CHST9: variants seen among roughly 807,000 people sequenced by gnomAD.
CHST9 encodes the protein carbohydrate sulfotransferase 9, also known as GalNAc-4-sulfotransferase 2.
In CHST9, 41 loss-of-function variants were observed where a neutral mutation model predicts 44.4. That is an observed-to-expected ratio of 0.92 (90% CI 0.72 to 1.20). The LOEUF (loss-of-function observed/expected upper bound fraction) is 1.20. Among genes scored for constraint, CHST9 ranks in the 50% most tolerant of loss-of-function variants. The pLI, the probability that CHST9 is intolerant of heterozygous loss-of-function variation, is 0.00. For synonymous variants in CHST9, 171 were observed against 178.4 expected (o/e 0.96, Z 0.33); for missense variants, 504 against 516.5 (o/e 0.98, Z 0.23).
chr18:27,065,657 A>G (rs2143630494), intron 2 of CHST9, among the ~76,000 whole-genome samples: 2 of 152,022 alleles, frequency 1.3e-5, no homozygotes, highest in South Asian at 4.2e-4. Context: ...CGATATAAAA[A>G]GAGAGGCCTC....
intron 2 of CHST9, among the ~76,000 whole-genome samples, chr18:27,117,075 T>A (rs936614197): frequency 6.6e-5 from 10 of 151,894 alleles, no homozygotes; most frequent in Admixed American, 1.3e-4. Context: ...ATACGTTTCA[T>A]ATGAAATTTT....
At chr18:27,134,801 A>G (rs916493502) in intron 2 of CHST9, among the ~76,000 whole-genome samples, 1 of 152,186 alleles carries the variant, frequency 6.6e-6, no homozygotes, top group African/African-American at 2.4e-5. Flanking sequence ...AAATTCAGAC[A>G]TTGTACTTAT....
At chr18:27,072,014 A>G (rs996517190) in intron 2 of CHST9, among the ~76,000 whole-genome samples, 22 of 152,244 alleles carry the variant, frequency 1.4e-4, no homozygotes, top group East Asian at 1.2e-3. Flanking sequence ...ACCATTATGT[A>G]TAAGTGTGGC....
intron 2 of CHST9, among the ~76,000 whole-genome samples, chr18:27,089,897 G>A (rs1415837015): frequency 6.9e-5 from 10 of 145,434 alleles, no homozygotes; most frequent in South Asian, 2.2e-4. Context: ...TGCAAGCTCC[G>A]CCTCCCAGGT....
intron 3 of CHST9, among the ~76,000 whole-genome samples, chr18:27,026,703 T>C (rs2057288802): frequency 6.6e-6 from 1 of 152,204 alleles, no homozygotes; most frequent in African/African-American, 2.4e-5. Flanking sequence ...TATTCTTCCA[T>C]GGTTAACTGT....
chr18:26,929,091 C>G (rs1052634095), intron 5 of CHST9, among the ~76,000 whole-genome samples: 1 of 152,092 alleles, frequency 6.6e-6, no homozygotes, highest in African/African-American at 2.4e-5. Context: ...TCTTCCTATA[C>G]TCACTCTTCC....
At chr18:27,102,361 G>A (rs138165819) in intron 2 of CHST9, among the ~76,000 whole-genome samples, 1 of 152,090 alleles carries the variant, frequency 6.6e-6, no homozygotes, top group African/African-American at 2.4e-5. Context: ...ATTTATGAAG[G>A]TGTTGTGATG....
chr18:27,034,310 C>A (rs2057370024), intron 3 of CHST9, among the ~76,000 whole-genome samples: 1 of 152,086 alleles, frequency 6.6e-6, no homozygotes, highest in African/African-American at 2.4e-5. Flanking sequence ...CTTCTAAAAT[C>A]CTTCCTAAAT....
chr18:26,996,748 T>C (rs1359862529), intron 4 of CHST9, among the ~76,000 whole-genome samples: 3 of 152,174 alleles, frequency 2.0e-5, no homozygotes, highest in Non-Finnish European at 2.9e-5. Flanking sequence ...ACAGTGTGCA[T>C]GTATGTGAAA....
At chr18:27,168,115 C>G (rs1388687743) in intron 1 of CHST9, among the ~76,000 whole-genome samples, 5 of 148,846 alleles carry the variant, frequency 3.4e-5, no homozygotes, top group Non-Finnish European at 7.4e-5. Context: ...TGCTCTGTCG[C>G]GCAGGCTGGA....
At chr18:26,948,198 G>A (rs1328190431) in intron 4 of CHST9, among the ~76,000 whole-genome samples, 2 of 152,136 alleles carry the variant, frequency 1.3e-5, no homozygotes, top group Non-Finnish European at 2.9e-5. Flanking sequence ...GCTGAACAAT[G>A]AGAACACATG....
At chr18:27,068,020 C>G (rs1354583709) in intron 2 of CHST9, among the ~76,000 whole-genome samples, 1 of 152,148 alleles carries the variant, frequency 6.6e-6, no homozygotes. Flanking sequence ...TCACTGTCTG[C>G]TCCTCTGTCT....
intron 2 of CHST9, among the ~76,000 whole-genome samples, chr18:27,098,195 C>G (rs1237504783): frequency 1.3e-5 from 2 of 151,024 alleles, no homozygotes; most frequent in Non-Finnish European, 3.0e-5. Context: ...GGCGAAAAAA[C>G]ATTAAAAAAA....
At chr18:27,053,262 G>GAAGAAGAGGAAGA (rs772678534) in intron 2 of CHST9, among the ~76,000 whole-genome samples, 1 of 45,764 alleles carries the variant, frequency 2.2e-5, no homozygotes, top group African/African-American at 7.3e-5. Flanking sequence ...GAAGAAGAAG[G>GAAGAAGAGGAAGA]AGAAGGAGAA....
intron 5 of CHST9, among the ~76,000 whole-genome samples, chr18:26,939,353 AAGG>A (rs1299977525): frequency 6.6e-6 from 1 of 152,224 alleles, no homozygotes; most frequent in Non-Finnish European, 1.5e-5. Context: ...GTTTTATATA[AAGG>A]AGTAGAATGG....
intron 4 of CHST9, among the ~76,000 whole-genome samples, chr18:26,952,941 T>G (rs2056271382): frequency 6.6e-6 from 1 of 152,114 alleles, no homozygotes; most frequent in African/African-American, 2.4e-5. Flanking sequence ...ATATGATTGG[T>G]CTTGGGAAAC....
intron 2 of CHST9, among the ~76,000 whole-genome samples, chr18:27,122,417 G>C (rs2058382012): frequency 1.3e-5 from 2 of 152,110 alleles, no homozygotes; most frequent in South Asian, 4.2e-4. Flanking sequence ...ATACAAATCG[G>C]AATAGGGTTA....
At chr18:26,937,512 A>G (rs1319449007) in intron 5 of CHST9, among the ~76,000 whole-genome samples, 2 of 152,166 alleles carry the variant, frequency 1.3e-5, no homozygotes, top group East Asian at 3.9e-4. Context: ...AGAATGAGAT[A>G]CACCTGGATT....
chr18:27,111,497 A>T (rs934599273), intron 2 of CHST9, among the ~76,000 whole-genome samples: 1 of 152,228 alleles, frequency 6.6e-6, no homozygotes. Flanking sequence ...ATGGGGGAGC[A>T]CTTCCTTGCT....
Sources: allele counts gnomAD v4.1 joint callset (sites outside exome capture counted in the v4.1 genomes callset), GRCh38; gene constraint gnomAD v4.1.1; transcripts MANE v1.5; gene names NCBI Gene and HGNC (gene_info 2026-07-23, HGNC 2026-07-21).